Variants in ADGRL4 observed in about 807,000 individuals in gnomAD.
The protein encoded by ADGRL4 is adhesion G protein-coupled receptor L4.
ADGRL4 carries 90 observed loss-of-function variants against 74.8 expected under a neutral mutation model. That is an observed-to-expected ratio of 1.20 (90% CI 1.02 to 1.43). The LOEUF is 1.43. Among genes scored for constraint, ADGRL4 ranks in the 40% most tolerant of loss-of-function variants. The pLI is 0.00. For missense variants in ADGRL4, 881 were observed against 814.3 expected (o/e 1.08, Z -1.00); for synonymous variants, 311 against 279.2 (o/e 1.11, Z -1.14).
intron 2 of ADGRL4, among the ~76,000 whole-genome samples, chr1:78,976,472 C>T (rs1373757727): frequency 1.3e-5 from 2 of 151,812 alleles, no homozygotes; most frequent in South Asian, 2.1e-4. Flanking sequence ...ATAAAGTCTT[C>T]AACATCTTAG....
intron 3 of ADGRL4, among the ~76,000 whole-genome samples, chr1:78,940,151 T>C (rs1342361250): frequency 2.0e-5 from 3 of 152,144 alleles, no homozygotes; most frequent in Non-Finnish European, 4.4e-5. Flanking sequence ...TTTAAACTTA[T>C]TTGTTTTCTA....
At chr1:79,003,003 T>C (rs1344457199) in intron 2 of ADGRL4, among the ~76,000 whole-genome samples, 1 of 152,062 alleles carries the variant, frequency 6.6e-6, no homozygotes, top group East Asian at 1.9e-4. Context: ...ACAAATTTTA[T>C]GATAATGGCG....
chr1:78,951,089 A>G (rs1022255066), intron 2 of ADGRL4, among the ~76,000 whole-genome samples: 1 of 152,128 alleles, frequency 6.6e-6, no homozygotes, highest in Admixed American at 6.6e-5. Context: ...AGCTCCTGAG[A>G]AAAGGGGCAA....
intron 8 of ADGRL4, 45 bp from the exon 9 acceptor site, chr1:78,921,831 A>C: frequency 8.9e-7 from 1 of 1,124,140 alleles, no homozygotes. Context: ...AAAAAGTTAC[A>C]TACATAGTAT....
chr1:78,998,947 G>A (rs1409853005), intron 2 of ADGRL4, among the ~76,000 whole-genome samples: 1 of 152,152 alleles, frequency 6.6e-6, no homozygotes, highest in Admixed American at 6.5e-5. Context: ...CATGTGAAGT[G>A]CTTAGAATAG....
chr1:78,891,211 T>G lies in ADGRL4; in HGVS notation c.2016A>C (p.Gln672His). Residue 672 changes from glutamine (Q) to histidine (H), a missense_variant, in exon 15 of 15, where the codon CAA (glutamine) becomes CAC (histidine). Coordinates refer to ENST00000370742, the MANE Select transcript of ADGRL4 (RefSeq NM_022159.4). ...TTTTGAACAATCTGTAATATTCTTC[T>G]TGAATCTAAAAATTAAAAAAAGGAA... ...LFLCVLSRKI[Q>H]EEYYRLFKNV... 6.2e-7 allele frequency: 1 copy of G among 1,602,278 alleles called. No homozygotes were observed. The highest frequency in any genetic ancestry group is 1.1e-5 in the South Asian group (1 of 88,756).
chr1:78,895,608 GA>G (rs1176204261), intron 12 of ADGRL4, among the ~76,000 whole-genome samples: 7 of 151,862 alleles, frequency 4.6e-5, no homozygotes, highest in Admixed American at 2.0e-4. Context: ...ATAATGAAGG[GA>G]AAAAAAGTAT....
intron 8 of ADGRL4, among the ~76,000 whole-genome samples, chr1:78,923,254 T>C (rs1485031879): frequency 6.6e-6 from 1 of 151,996 alleles, no homozygotes; most frequent in Non-Finnish European, 1.5e-5. Flanking sequence ...TGAGGGTCTG[T>C]TTACACACTG....
chr1:78,942,606 C>A (rs1380902169), intron 3 of ADGRL4, among the ~76,000 whole-genome samples: 2 of 152,076 alleles, frequency 1.3e-5, no homozygotes, highest in East Asian at 3.9e-4. Context: ...TAAATGCAAG[C>A]ATATCATTAA....
At chr1:78,891,501 C>T (rs1225844414) in intron 14 of ADGRL4, 23 bp downstream of exon 14, 4 of 1,604,462 alleles carry the variant, frequency 2.5e-6, no homozygotes, top group Non-Finnish European at 1.7e-6. Context: ...TACTAGGAAC[C>T]ACCAAAATAA....
chr1:78,917,631 T>C lies in ADGRL4; in HGVS notation c.1749+3A>G, dbSNP rs1399685331. ...TTGTAATAACAATTTTATATATACATACAAGAATGATTAGGCATGCTGGTC... is the reference window on the plus strand; with the variant it reads ...TTGTAATAACAATTTTATATATACACACAAGAATGATTAGGCATGCTGGTC... On this transcript the variant is annotated splice_donor_region_variant and intron_variant, in intron 12 of 14. Transcript: ENST00000370742. The C allele has an allele frequency of 1.6e-5, 25 of 1,584,610 alleles. No homozygotes were observed. Among genetic ancestry groups the C allele is most frequent in the Middle Eastern group, 2.2e-4 (1 of 4,640 alleles).
chr1:78,952,219 C>T (rs1225466988), intron 2 of ADGRL4, among the ~76,000 whole-genome samples: 3 of 151,480 alleles, frequency 2.0e-5, no homozygotes, highest in East Asian at 1.9e-4. Flanking sequence ...TCCCTCTGGA[C>T]GTGATTGCCA....
At chr1:78,936,625 T>C (rs1288143689) in intron 6 of ADGRL4, among the ~76,000 whole-genome samples, 1 of 152,178 alleles carries the variant, frequency 6.6e-6, no homozygotes, top group African/African-American at 2.4e-5. Context: ...ATGGCACTCA[T>C]GGTTTAACTT....
chr1:78,895,952 A>C (rs1453525168), intron 12 of ADGRL4, among the ~76,000 whole-genome samples: 1 of 152,224 alleles, frequency 6.6e-6, no homozygotes, highest in East Asian at 1.9e-4. Flanking sequence ...TCATGAAAGA[A>C]CACAGGAGAC....
chr1:78,937,121 A>G (rs1393286320), intron 6 of ADGRL4, among the ~76,000 whole-genome samples: 1 of 152,220 alleles, frequency 6.6e-6, no homozygotes, highest in African/African-American at 2.4e-5. Flanking sequence ...TATTATGAAC[A>G]TGCAAAGGAT....
chr1:78,961,628 G>A (rs1334263030), intron 2 of ADGRL4, among the ~76,000 whole-genome samples: 4 of 152,058 alleles, frequency 2.6e-5, no homozygotes, highest in Admixed American at 1.3e-4. Context: ...TGTCTGCCAG[G>A]TGTCAGACAA....
chr1:78,938,920 A>T (rs554952619), intron 4 of ADGRL4, among the ~76,000 whole-genome samples: 74 of 152,182 alleles, frequency 4.9e-4, no homozygotes, highest in African/African-American at 1.7e-3. Context: ...TTTAATCAAC[A>T]TTTTTTACAC....
At chr1:78,991,096 T>G (rs1281175783) in intron 2 of ADGRL4, among the ~76,000 whole-genome samples, 2 of 152,054 alleles carry the variant, frequency 1.3e-5, no homozygotes, top group Admixed American at 6.6e-5. Context: ...TCCTTCCCCA[T>G]GCTAGTTGTA....
At chr1:78,959,177 G>A (rs1649892156) in intron 2 of ADGRL4, among the ~76,000 whole-genome samples, 1 of 152,062 alleles carries the variant, frequency 6.6e-6, no homozygotes, top group Admixed American at 6.6e-5. Flanking sequence ...TCGCTTTATG[G>A]CACTAGTCAG....
Sources: gnomAD v4.1 joint callset for allele counts (sites outside exome capture counted in the v4.1 genomes callset) on GRCh38, gnomAD v4.1.1 for gene constraint, MANE v1.5 for transcripts, NCBI Gene and HGNC (gene_info 2026-07-23, HGNC 2026-07-21) for gene names.